PRKCH: variants seen among roughly 807,000 people sequenced by gnomAD.
PRKCH encodes protein kinase C eta type.
A neutral mutation model predicts 82.5 loss-of-function variants in PRKCH; 28 were observed. That is an observed-to-expected ratio of 0.34 (90% CI 0.25 to 0.47). The LOEUF is 0.47. Among genes scored for constraint, PRKCH ranks in the 20% least tolerant of loss-of-function variants. PRKCH has a pLI of 1.00. For synonymous variants in PRKCH, 322 were observed against 327.4 expected (o/e 0.98, Z 0.18); for missense variants, 705 against 881.8 (o/e 0.80, Z 2.54).
At chr14:61,398,807 T>C (rs939589845) in intron 2 of PRKCH, among the ~76,000 whole-genome samples, 3 of 151,992 alleles carry the variant, frequency 2.0e-5, no homozygotes, top group East Asian at 1.9e-4. Flanking sequence ...CTACCAAACA[T>C]TGGAAGAAAA....
chr14:61,288,993 T>C (rs2045338454), intron 1 of PRKCH, among the ~76,000 whole-genome samples: 1 of 152,212 alleles, frequency 6.6e-6, no homozygotes, highest in South Asian at 2.1e-4. Context: ...TTGCCTCTGC[T>C]TCTCTCTGCA....
At chr14:61,406,331 G>GTTACAGTTTTTGCGTTGTTAC (rs1881951574) in intron 2 of PRKCH, among the ~76,000 whole-genome samples, 2 of 19,298 alleles carry the variant, frequency 1.0e-4, no homozygotes, top group African/African-American at 5.9e-4. Flanking sequence ...GCGTTGTTAG[G>GTTACAGTTTTTGCGTTGTTAC]GGGGCACATG....
intron 1 of PRKCH, among the ~76,000 whole-genome samples, chr14:61,223,199 T>A (rs1249045960): frequency 2.0e-5 from 3 of 152,148 alleles, no homozygotes; most frequent in Non-Finnish European, 2.9e-5. Context: ...CAGGAAAGGA[T>A]CCAGGTAGAG....
At chr14:61,513,292 G>T (rs773392521) in intron 10 of PRKCH, among the ~76,000 whole-genome samples, 2 of 152,182 alleles carry the variant, frequency 1.3e-5, no homozygotes, top group Non-Finnish European at 2.9e-5. Flanking sequence ...ACCCAGCCTT[G>T]TGCCAGGTAC....
intron 1 of PRKCH, among the ~76,000 whole-genome samples, chr14:61,263,157 T>G (rs2045065137): frequency 6.6e-6 from 1 of 152,164 alleles, no homozygotes; most frequent in African/African-American, 2.4e-5. Flanking sequence ...CCCTATTTGA[T>G]CCTCTCTCCC....
At chr14:61,344,017 T>G (rs2045960934) in intron 1 of PRKCH, among the ~76,000 whole-genome samples, 1 of 152,176 alleles carries the variant, frequency 6.6e-6, no homozygotes, top group Non-Finnish European at 1.5e-5. Context: ...GTAATCTCCC[T>G]CATCATACTG....
chr14:61,314,856 C>G (rs1002084291), intron 1 of PRKCH, among the ~76,000 whole-genome samples: 16 of 152,190 alleles, frequency 1.1e-4, no homozygotes, highest in Non-Finnish European at 1.5e-5. Flanking sequence ...AGTCCTCACT[C>G]TCTGATCTCA....
chr14:61,525,117 G>A (rs1170024048), intron 10 of PRKCH: 1 of 152,160 alleles, frequency 6.6e-6, no homozygotes, highest in Non-Finnish European at 1.5e-5. Flanking sequence ...AGAGCCTTCT[G>A]GAATACAGTG....
In PRKCH at chr14:61,281,183, AGT is replaced by A. The variant is rs989870045; in HGVS notation, c.-19+93517_-19+93518del. On this transcript the variant is annotated intron_variant, in intron 1 of 3. Coordinates refer to the PRKCH transcript ENST00000555185. ...CGGGGACCGACGCGCGGGCTGACCGAGTGGGGGCCCCGCCGCGGGGCGCCTCC... is the reference window on the plus strand; with the variant it reads ...CGGGGACCGACGCGCGGGCTGACCGAGGGGGCCCCGCCGCGGGGCGCCTCC... 3 of 1,251,002 alleles carry A rather than the reference AGT, an allele frequency of 2.4e-6. No individual in the cohort carries two copies. The African/African-American group carries it at 4.8e-5, about 20-fold the overall frequency. The allele number at this position is 1,251,002 out of a possible 1,614,324, so 77.5% of individuals were successfully genotyped here. A position where few individuals can be genotyped will look rare whatever the true frequency, so the allele number is the denominator to read the frequency against.
intron 9 of PRKCH, among the ~76,000 whole-genome samples, chr14:61,464,118 A>T (rs1181430209): frequency 6.6e-6 from 1 of 152,142 alleles, no homozygotes; most frequent in African/African-American, 2.4e-5. Flanking sequence ...TGGTAGTTCT[A>T]TTTTAATTTT....
intron 1 of PRKCH, among the ~76,000 whole-genome samples, chr14:61,203,319 G>C (rs897961666): frequency 6.6e-6 from 1 of 152,082 alleles, no homozygotes; most frequent in African/African-American, 2.4e-5. Context: ...ATATCCCAGG[G>C]AAGGGGTGGG....
intron 1 of PRKCH, among the ~76,000 whole-genome samples, chr14:61,228,252 A>G (rs1187231458): frequency 6.6e-6 from 1 of 152,252 alleles, no homozygotes. Flanking sequence ...TTACAAATAC[A>G]AGGACAGAAA....
At chr14:61,243,517 G>A (rs1294237826) in intron 1 of PRKCH, among the ~76,000 whole-genome samples, 1 of 152,058 alleles carries the variant, frequency 6.6e-6, no homozygotes, top group African/African-American at 2.4e-5. Context: ...GAAACCAAGA[G>A]CAGGCCAGAG....
At chr14:61,419,199 T>G (rs1236381610) in intron 2 of PRKCH, among the ~76,000 whole-genome samples, 1 of 152,248 alleles carries the variant, frequency 6.6e-6, no homozygotes, top group Admixed American at 6.5e-5. Flanking sequence ...AAATCTATGC[T>G]ATTTTAGGGA....
chr14:61,404,464 T>TCCACCCACCCACCCAC (rs372144675), intron 2 of PRKCH, among the ~76,000 whole-genome samples: 9 of 147,044 alleles, frequency 6.1e-5, no homozygotes, highest in African/African-American at 2.4e-4. Flanking sequence ...CATCCATCCA[T>TCCACCCACCCACCCAC]CCACCCACCC....
chr14:61,192,557 T>C (rs544106562), intron 1 of PRKCH, among the ~76,000 whole-genome samples: 63 of 152,280 alleles, frequency 4.1e-4, no homozygotes, highest in African/African-American at 1.5e-3. Flanking sequence ...GGTAGGTGTG[T>C]GTAGAGGAGT....
At chr14:61,345,300 T>C (rs1207549314) in intron 1 of PRKCH, among the ~76,000 whole-genome samples, 2 of 152,208 alleles carry the variant, frequency 1.3e-5, no homozygotes, top group Non-Finnish European at 2.9e-5. Flanking sequence ...ACGTACTTAG[T>C]TTTCCAGACT....
At chr14:61,319,643 A>G (rs1725348217), upstream of PRKCH, among the ~76,000 whole-genome samples, 1 of 152,234 alleles carries the variant, frequency 6.6e-6, no homozygotes, top group Non-Finnish European at 1.5e-5. Flanking sequence ...AAAGTCCAAC[A>G]GGAGCAAATC....
chr14:61,371,153 A>T lies in PRKCH; in HGVS notation c.364-20072A>T, dbSNP rs947117616. ...GTGAAGGCAGTTTTTATTTAAAAGC[A>T]TTTTCTTGAATAAACATTTTAGAAC... On this transcript the variant is annotated intron_variant, in intron 1 of 13. Transcript: ENST00000332981. 2.0e-5 allele frequency among the ~76,000 whole-genome samples: 3 copies of T among 152,038 alleles called. No homozygotes were observed. In the South Asian group the frequency reaches 6.2e-4, roughly 32 times the overall value.
Sources: allele counts gnomAD v4.1 joint callset (sites outside exome capture counted in the v4.1 genomes callset), GRCh38; gene constraint gnomAD v4.1.1; transcripts MANE v1.5; gene names NCBI Gene and HGNC (gene_info 2026-07-23, HGNC 2026-07-21).